Variants in PBX2 observed in about 807,000 individuals in gnomAD.
The protein encoded by PBX2 is PBX homeobox 2, also known as pre-B-cell leukemia transcription factor 2.
In PBX2, 10 loss-of-function variants were observed where a neutral mutation model predicts 46.5. The observed-to-expected ratio is 0.21, with a 90% CI of 0.13 to 0.36. PBX2 has a LOEUF of 0.36. Among genes scored for constraint, PBX2 ranks in the 10% least tolerant of loss-of-function variants. The pLI, the probability that PBX2 is intolerant of heterozygous loss-of-function variation, is 1.00. For synonymous variants in PBX2, 160 were observed against 222.5 expected, an observed-to-expected ratio of 0.72 and a Z score of 2.50; for missense variants, 392 against 580.5, an observed-to-expected ratio of 0.68 and a Z score of 3.34.
In PBX2 at chr6:32,185,283, A is replaced by G. The variant is rs556520243; in HGVS notation, c.*1099T>C. Reference sequence around the variant, plus strand: ...CCAGCCCTGCCCAAGGGTTGTGGGAAGAAGGGGGATGAGAGGCCAGCAGGG... The same window carrying G: ...CCAGCCCTGCCCAAGGGTTGTGGGAGGAAGGGGGATGAGAGGCCAGCAGGG... On this transcript the variant is annotated 3_prime_UTR_variant, in exon 9 of 9. Transcript: ENST00000375050. The G allele has an allele frequency of 4.6e-5, 7 of 152,598 alleles. No individual in the cohort carries two copies. The highest frequency in any genetic ancestry group is 1.7e-4 in the African/African-American group (7 of 41,556). The allele number at this position is 152,598 out of a possible 1,614,324, so 9.5% of individuals were successfully genotyped here.
At position 32,185,629 on chromosome 6, in the gene PBX2, C is replaced by A. The variant is rs169504; in HGVS notation, c.*753G>T. On this transcript the variant is annotated 3_prime_UTR_variant, in exon 9 of 9. Transcript: ENST00000375050. ...TTAAGAACCACCACCACCACCACCA[C>A]CAACAACAACAAAAACAACAACAAC... is the stretch of plus-strand genomic sequence containing the variant. 0.19 allele frequency: 28,779 copies of A among 149,612 alleles called. 3,061 individuals are homozygous for A. The highest frequency in any genetic ancestry group is 0.28 in the African/African-American group (11,160 of 40,224). 9.3% of individuals were successfully genotyped at this position (149,612 alleles called of 1,614,324 possible). A position where few individuals can be genotyped will look rare whatever the true frequency, so the allele number is the denominator to read the frequency against.
Position 32,186,911 on chromosome 6 carries a change from G to A in PBX2, c.1025-10C>T, listed in dbSNP as rs1464560033. 9 of 1,611,850 alleles carry A rather than the reference G, an allele frequency of 5.6e-6. No individual in the cohort carries two copies. In the African/African-American group the frequency reaches 9.4e-5, roughly 17 times the overall value. On this transcript the variant is annotated splice_polypyrimidine_tract_variant and intron_variant, in intron 6 of 8. Coordinates refer to ENST00000375050, the MANE Select transcript of PBX2 (RefSeq NM_002586.5). This position sits in a 1 kb window ranked among gnomAD's most constrained non-coding sequence, Gnocchi z 4.2. ...AAAGAGCCGCCAGAGCCTTGTGGGGGCAGAGAGGGAAGAGTGTAATAGAGC... is the reference window on the plus strand; with the variant it reads ...AAAGAGCCGCCAGAGCCTTGTGGGGACAGAGAGGGAAGAGTGTAATAGAGC...
In PBX2 at chr6:32,189,558, G is replaced by A; in HGVS notation, c.221+137C>T. On this transcript the variant is annotated intron_variant, in intron 1 of 8. Transcript: ENST00000375050. The surrounding 1 kb of genome is among the most constrained non-coding windows in gnomAD (Gnocchi z 4.7). ...TTTGAGAGGGATCACTTTTCTATGG[G>A]CTCCCAGGAATAAGGAGAGAAGAGA... 1 of 619,966 alleles carries A rather than the reference G, an allele frequency of 1.6e-6. No individual in the cohort carries two copies. The highest frequency in any genetic ancestry group is 2.8e-6 in the Non-Finnish European group (1 of 360,684). The allele number at this position is 619,966 out of a possible 1,614,324, so 38.4% of individuals were successfully genotyped here. A position where few individuals can be genotyped will look rare whatever the true frequency, so the allele number is the denominator to read the frequency against.
In PBX2 at chr6:32,186,625, C is replaced by T. The variant is rs1051971; in HGVS notation, c.1179G>A (p.Met393Ile). ...TCACCCTCATTTCCCGTGGGCTGTA[C>T]ATCTGGCCTCCCCCGAGGTTATCCC... ...GYGDNLGGGQMYSPREMRANG... is the reference protein window; with the variant it reads ...GYGDNLGGGQIYSPREMRANG... The change falls in exon 8 of 9, where the codon ATG (methionine) becomes ATA (isoleucine). Residue 393 changes from methionine (M) to isoleucine (I), a missense_variant. Transcript: ENST00000375050. This position sits in a 1 kb window ranked among gnomAD's most constrained non-coding sequence, Gnocchi z 4.2. The T allele has an allele frequency of 1.2e-6, 2 of 1,611,964 alleles. No homozygotes were observed. The highest frequency in any genetic ancestry group is 4.5e-5 in the East Asian group (2 of 44,878).
Position 32,188,326 on chromosome 6 carries a change from G to A in PBX2, c.474C>T (p.His158=). Residue 158 remains histidine, a synonymous_variant, in exon 3 of 9, where the codon CAC becomes CAT. Transcript: ENST00000375050. This position sits in a 1 kb window ranked among gnomAD's most constrained non-coding sequence, Gnocchi z 6.5. The part of the protein sequence containing the change: ...GGVSPDNSIE[H]SDYRSKLAQI... The stretch of plus-strand genomic sequence containing the variant: ...GGGCAAGTTTGCTGCGATAGTCCGA[G>A]TGTTCGATGGAGTTGTCAGGGGACA... The A allele has an allele frequency of 6.2e-7, 1 of 1,614,134 alleles. No homozygotes were observed. Among genetic ancestry groups the A allele is most frequent in the African/African-American group, 1.3e-5 (1 of 75,048 alleles).
chr6:32,190,100 C>G lies in PBX2; in HGVS notation c.-185G>C. 1 of 446,486 alleles carries G rather than the reference C, an allele frequency of 2.2e-6. No individual in the cohort carries two copies. The highest frequency in any genetic ancestry group is 3.9e-6 in the Non-Finnish European group (1 of 253,874). 27.7% of individuals were successfully genotyped at this position (446,486 alleles called of 1,614,324 possible). On this transcript the variant is annotated 5_prime_UTR_variant, in exon 1 of 9. Transcript: ENST00000375050. ...GGGAGACCTGGGATACCGGCTGGGC[C>G]CCCCACAGGAGACCCCGGCCCCCGG...
rs141807951 is a variant in PBX2 at position 32,186,652 on chromosome 6, A to G, written c.1152T>C (p.Tyr384=). 13 of 1,613,408 alleles carry G rather than the reference A, an allele frequency of 8.1e-6. No homozygotes were observed. Among genetic ancestry groups the G allele is most frequent in the East Asian group, 2.2e-5 (1 of 44,876 alleles). ...TCTGGCCTCCCCCGAGGTTATCCCC[A>G]TAGCCCCCTGGCCCCATCGAGTGTC... ...SLRHSMGPGG[Y]GDNLGGGQMY... The change falls in exon 8 of 9, where the codon TAT becomes TAC. Residue 384 remains tyrosine, a synonymous_variant. Transcript: ENST00000375050. The surrounding 1 kb of genome is among the most constrained non-coding windows in gnomAD (Gnocchi z 4.2).
In PBX2 at chr6:32,189,964, G is replaced by T. The variant is rs1366358619; in HGVS notation, c.-49C>A. 2.4e-6 allele frequency: 2 copies of T among 833,920 alleles called. No homozygotes were observed. The highest frequency in any genetic ancestry group is 1.7e-6 in the Non-Finnish European group (1 of 588,828). The allele number at this position is 833,920 out of a possible 1,614,324, so 51.7% of individuals were successfully genotyped here. On this transcript the variant is annotated 5_prime_UTR_variant, in exon 1 of 9. Coordinates refer to ENST00000375050, the MANE Select transcript of PBX2 (RefSeq NM_002586.5). This position sits in a 1 kb window ranked among gnomAD's most constrained non-coding sequence, Gnocchi z 4.7. ...CCCTCCCTGCTCCGCCCCTCCCCCCGCCTGGTTACTTCTCCCCCCAAACTC... is the reference window on the plus strand; with the variant it reads ...CCCTCCCTGCTCCGCCCCTCCCCCCTCCTGGTTACTTCTCCCCCCAAACTC...
chr6:32,187,577 A>G lies in PBX2; in HGVS notation c.870+70T>C. On this transcript the variant is annotated intron_variant, in intron 5 of 8. Coordinates refer to ENST00000375050, the MANE Select transcript of PBX2 (RefSeq NM_002586.5). This position sits in a 1 kb window ranked among gnomAD's most constrained non-coding sequence, Gnocchi z 7.7. The stretch of plus-strand genomic sequence containing the variant: ...CCTCCCTAGTAGCTGGGATTACAGG[A>G]ACACACCACTGCACCTAGCTGAGAT... 6.5e-7 allele frequency: 1 copy of G among 1,540,124 alleles called. No homozygotes were observed. Among genetic ancestry groups the G allele is most frequent in the Non-Finnish European group, 8.8e-7 (1 of 1,139,500 alleles).
At position 32,186,176 on chromosome 6, in the gene PBX2, A is replaced by G; in HGVS notation, c.*206T>C. On this transcript the variant is annotated 3_prime_UTR_variant, in exon 9 of 9. Transcript: ENST00000375050. The surrounding 1 kb of genome is among the most constrained non-coding windows in gnomAD (Gnocchi z 4.2). Reference sequence around the variant, plus strand: ...AAAAAGATGGAAAAAAGGGAGAGACAGACCCCACACTCCCCTTAGAGGCCC... The same window carrying G: ...AAAAAGATGGAAAAAAGGGAGAGACGGACCCCACACTCCCCTTAGAGGCCC... 1.7e-6 allele frequency: 1 copy of G among 587,842 alleles called. No individual in the cohort carries two copies. 36.4% of individuals were successfully genotyped at this position (587,842 alleles called of 1,614,324 possible). A position where few individuals can be genotyped will look rare whatever the true frequency, so the allele number is the denominator to read the frequency against.
At position 32,189,614 on chromosome 6, in the gene PBX2, T is replaced by TGGG. The variant is rs140151581; in HGVS notation, c.221+78_221+80dup. On this transcript the variant is annotated intron_variant, in intron 1 of 8. Transcript: ENST00000375050. This position sits in a 1 kb window ranked among gnomAD's most constrained non-coding sequence, Gnocchi z 4.7. ...TGGATCCTGGAGAGGGCCCTGGAGT[T>TGGG]GGGGGGGGCTCCCAGAAGATTCAGA... 2.9e-6 allele frequency: 3 copies of TGGG among 1,034,380 alleles called. No individual in the cohort carries two copies. Among genetic ancestry groups the TGGG allele is most frequent in the Non-Finnish European group, 4.4e-6 (3 of 683,996 alleles). 64.1% of individuals were successfully genotyped at this position (1,034,380 alleles called of 1,614,324 possible).
chr6:32,186,960 C>T lies in PBX2; in HGVS notation c.1025-59G>A. The T allele has an allele frequency of 7.2e-7, 1 of 1,387,612 alleles. No individual in the cohort carries two copies. Among genetic ancestry groups the T allele is most frequent in the South Asian group, 1.2e-5 (1 of 85,944 alleles). 86.0% of individuals were successfully genotyped at this position (1,387,612 alleles called of 1,614,324 possible). ...GCCCGTGATGGTAGAGGATGAACCA[C>T]AACTCTCAACTCTTGTGGGGACATG... On this transcript the variant is annotated intron_variant, in intron 6 of 8. Transcript: ENST00000375050. This position sits in a 1 kb window ranked among gnomAD's most constrained non-coding sequence, Gnocchi z 4.2.
rs1787152754 is a variant in PBX2, at chr6:32,186,579, G to C, written c.1200+25C>G. 6.3e-7 allele frequency: 1 copy of C among 1,591,520 alleles called. No homozygotes were observed. Among genetic ancestry groups the C allele is most frequent in the Non-Finnish European group, 8.6e-7 (1 of 1,159,476 alleles). The stretch of plus-strand genomic sequence containing the variant: ...CCCTCTGTCCTGTGAGAACTGGACA[G>C]AGAGGAGCTTCAGGATCCACTCACC... On this transcript the variant is annotated intron_variant, in intron 8 of 8. Coordinates refer to ENST00000375050, the MANE Select transcript of PBX2 (RefSeq NM_002586.5). The surrounding 1 kb of genome is among the most constrained non-coding windows in gnomAD (Gnocchi z 4.2).
rs535804880 is a variant in PBX2, at chr6:32,188,587, A to T, written c.296-83T>A. 1 of 1,577,920 alleles carries T rather than the reference A, an allele frequency of 6.3e-7. No homozygotes were observed. The highest frequency in any genetic ancestry group is 2.3e-5 in the East Asian group (1 of 44,444). ...CCTCCTGGTGCTTCCTGGAGAGCCA[A>T]GTTCCCAGGCTTTGGTTCCTTCCCC... On this transcript the variant is annotated intron_variant, in intron 2 of 8. Transcript: ENST00000375050. This position sits in a 1 kb window ranked among gnomAD's most constrained non-coding sequence, Gnocchi z 6.5.
Position 32,187,636 on chromosome 6 carries a change from C to G in PBX2, c.870+11G>C. 6.3e-7 allele frequency: 1 copy of G among 1,585,800 alleles called. No individual in the cohort carries two copies. The highest frequency in any genetic ancestry group is 8.6e-7 in the Non-Finnish European group (1 of 1,165,802). On this transcript the variant is annotated intron_variant, in intron 5 of 8. Transcript: ENST00000375050. The surrounding 1 kb of genome is among the most constrained non-coding windows in gnomAD (Gnocchi z 7.7). ...TTTGCCTGACAACTCCTCCCGCAAC[C>G]TCCATAATACCTGAGACACGGTGAT...
In PBX2 at chr6:32,188,530, G is replaced by A; in HGVS notation, c.296-26C>T. On this transcript the variant is annotated intron_variant, in intron 2 of 8. Coordinates refer to ENST00000375050, the MANE Select transcript of PBX2 (RefSeq NM_002586.5). The surrounding 1 kb of genome is among the most constrained non-coding windows in gnomAD (Gnocchi z 6.5). ...CTAGCATGCAGGCGAGTGGACTTAG[G>A]GACCCAGAGACCCCAATACCCAGTG... 8.1e-6 allele frequency: 13 copies of A among 1,609,914 alleles called. No individual in the cohort carries two copies. The highest frequency in any genetic ancestry group is 9.3e-6 in the Non-Finnish European group (11 of 1,177,590).
At position 32,188,707 on chromosome 6, in the gene PBX2, G is replaced by T; in HGVS notation, c.295+16C>A. On this transcript the variant is annotated intron_variant, in intron 2 of 8. Transcript: ENST00000375050. The surrounding 1 kb of genome is among the most constrained non-coding windows in gnomAD (Gnocchi z 6.5). ...TCTGTTCCCAGAGTTGAGCAATCCG[G>T]GGGGGGCCCACATACCAGTTTTCTC... The T allele has an allele frequency of 1.9e-6, 3 of 1,612,058 alleles. No homozygotes were observed. The highest frequency in any genetic ancestry group is 1.7e-5 in the Admixed American group (1 of 59,994).
At position 32,189,212 on chromosome 6, in the gene PBX2, G is replaced by A. The variant is rs929579255; in HGVS notation, c.222-416C>T. On this transcript the variant is annotated intron_variant, in intron 1 of 8. Transcript: ENST00000375050. The surrounding 1 kb of genome is among the most constrained non-coding windows in gnomAD (Gnocchi z 4.7). ...AGCTAACTGGGGAGATCAGTGTAGG[G>A]TGTGTGAAGGGGTCCTGGGGCTGAG... 3.2e-5 allele frequency: 10 copies of A among 307,916 alleles called. No homozygotes were observed. Among genetic ancestry groups the A allele is most frequent in the African/African-American group, 2.1e-4 (10 of 46,974 alleles). The allele number at this position is 307,916 out of a possible 1,614,324, so 19.1% of individuals were successfully genotyped here. A position where few individuals can be genotyped will look rare whatever the true frequency, so the allele number is the denominator to read the frequency against.
In PBX2 at chr6:32,188,534, C is replaced by A. The variant is rs1787249751; in HGVS notation, c.296-30G>T. ...CATGCAGGCGAGTGGACTTAGGGACCCAGAGACCCCAATACCCAGTGCTCA... is the reference window on the plus strand; with the variant it reads ...CATGCAGGCGAGTGGACTTAGGGACACAGAGACCCCAATACCCAGTGCTCA... On this transcript the variant is annotated intron_variant, in intron 2 of 8. Transcript: ENST00000375050. The surrounding 1 kb of genome is among the most constrained non-coding windows in gnomAD (Gnocchi z 6.5). The A allele has an allele frequency of 1.2e-6, 2 of 1,608,634 alleles. No homozygotes were observed. Among genetic ancestry groups the A allele is most frequent in the African/African-American group, 1.3e-5 (1 of 74,682 alleles).
Sources: allele counts gnomAD v4.1 joint callset, GRCh38; gene constraint gnomAD v4.1.1; non-coding constraint Gnocchi (gnomAD v3.1); transcripts MANE v1.5; gene names NCBI Gene and HGNC (gene_info 2026-07-23, HGNC 2026-07-21).